Variants in FNIP1 observed in about 807,000 individuals in gnomAD.
The protein encoded by FNIP1 is folliculin interacting protein 1.
In FNIP1, 40 loss-of-function variants were observed where a neutral mutation model predicts 124.5. The observed-to-expected ratio is 0.32, with a 90% CI of 0.25 to 0.42. The LOEUF (loss-of-function observed/expected upper bound fraction) is 0.42, where lower values mean the gene tolerates loss of function less well. Ranked by LOEUF, FNIP1 falls within the 10% of genes least tolerant of loss-of-function variation. The pLI, the probability that FNIP1 is intolerant of heterozygous loss-of-function variation, is 1.00. For synonymous variants in FNIP1, 472 were observed against 470.6 expected (o/e 1.00, Z -0.04); for missense variants, 1,176 against 1,403.7 (o/e 0.84, Z 2.59).
chr5:131,721,526 C>T (rs778083146), intron 3 of FNIP1, among the ~76,000 whole-genome samples: 24 of 151,974 alleles, frequency 1.6e-4, no homozygotes, highest in South Asian at 2.1e-4. Flanking sequence ...GAGGCTAGCG[C>T]GGTGGATCAC....
rs373738296 is a variant in FNIP1, at chr5:131,651,993, C to G, written c.3115G>C (p.Val1039Leu). The change falls in exon 16 of 18, where the codon GTT becomes CTT. Residue 1039 changes from valine (V) to leucine (L), a missense_variant. Val to Leu is a conservative substitution (Grantham distance 32). Around this residue, in one of 2 missense-constraint regions of FNIP1, gnomAD observed 1,109 missense variants for 1,288.5 expected, o/e 0.86. Transcript: ENST00000510461. ...SDLSHAVQHP[V>L]LDEPIAEAVC... Reference sequence around the variant, plus strand: ...GCTTCTGCTATTGGTTCATCCAAAACTGGATGCTGGAAATAAAAGAATAAT... The same window carrying G: ...GCTTCTGCTATTGGTTCATCCAAAAGTGGATGCTGGAAATAAAAGAATAAT... 1 of 1,610,556 alleles carries G rather than the reference C, an allele frequency of 6.2e-7. No homozygotes were observed. The highest frequency in any genetic ancestry group is 1.3e-5 in the African/African-American group (1 of 74,920).
intron 11 of FNIP1, among the ~76,000 whole-genome samples, chr5:131,690,037 G>A (rs541764201): frequency 2.6e-5 from 4 of 152,070 alleles, no homozygotes; most frequent in South Asian, 2.1e-4. Flanking sequence ...TGGCTAACAC[G>A]GTGAAACCCC....
At chr5:131,728,523 C>T (rs1769969040) in intron 3 of FNIP1, among the ~76,000 whole-genome samples, 1 of 152,054 alleles carries the variant, frequency 6.6e-6, no homozygotes, top group Non-Finnish European at 1.5e-5. Context: ...TGTTTTTCAG[C>T]TCCATCAGGT....
intron 11 of FNIP1, among the ~76,000 whole-genome samples, chr5:131,687,148 C>A (rs979985634): frequency 2.7e-5 from 4 of 149,194 alleles, no homozygotes; most frequent in Non-Finnish European, 5.9e-5. Context: ...CTCTGTCATG[C>A]AAGCTAGAGT....
intron 15 of FNIP1, among the ~76,000 whole-genome samples, chr5:131,670,177 T>G (rs751990966): frequency 6.6e-6 from 1 of 152,196 alleles, no homozygotes; most frequent in African/African-American, 2.4e-5. Flanking sequence ...CCATTCAAAC[T>G]TAAGCACTTG....
intron 3 of FNIP1, among the ~76,000 whole-genome samples, chr5:131,729,017 C>T (rs559257829): frequency 1.3e-5 from 2 of 152,242 alleles, no homozygotes; most frequent in South Asian, 4.1e-4. Context: ...CTGGAGGCTG[C>T]AGAACAGCAA....
chr5:131,744,423 A>G (rs1479186032), intron 2 of FNIP1, 141 bp downstream of exon 2: 27 of 773,062 alleles, frequency 3.5e-5, no homozygotes, highest in Non-Finnish European at 9.6e-6. Flanking sequence ...AAAATGTTAG[A>G]TTCACCAAAC....
At chr5:131,735,094 T>C (rs1255259611) in intron 2 of FNIP1, among the ~76,000 whole-genome samples, 1 of 151,918 alleles carries the variant, frequency 6.6e-6, no homozygotes, top group Non-Finnish European at 1.5e-5. Context: ...ATTAAGAAAA[T>C]GTGGCACATA....
At chr5:131,653,260 G>A (rs777241251) in intron 15 of FNIP1, among the ~76,000 whole-genome samples, 22 of 152,038 alleles carry the variant, frequency 1.4e-4, no homozygotes, top group South Asian at 4.1e-4. Context: ...AATTCAGGCT[G>A]GGCGTGGTAG....
At chr5:131,728,486 C>T (rs182703420) in intron 3 of FNIP1, among the ~76,000 whole-genome samples, 12 of 152,024 alleles carry the variant, frequency 7.9e-5, no homozygotes, top group South Asian at 2.1e-4. Flanking sequence ...TGATGGCTTG[C>T]GTATGCTTCA....
At chr5:131,777,495 C>T (rs181284870) in intron 1 of FNIP1, among the ~76,000 whole-genome samples, 2 of 151,938 alleles carry the variant, frequency 1.3e-5, no homozygotes, top group African/African-American at 4.8e-5. Context: ...AAAATAGGTG[C>T]CCATCTAAAA....
chr5:131,649,016 T>C (rs934620538), intron 16 of FNIP1, among the ~76,000 whole-genome samples: 1 of 152,218 alleles, frequency 6.6e-6, no homozygotes, highest in Admixed American at 6.5e-5. Flanking sequence ...TGAATAAATA[T>C]TGCATTGTAT....
intron 1 of FNIP1, chr5:131,795,683 T>A (rs1772562682): frequency 1.3e-5 from 2 of 152,274 alleles, no homozygotes; most frequent in Non-Finnish European, 2.9e-5. Context: ...ATGCATTTAC[T>A]GAATTTTTCC....
chr5:131,782,931 G>A (rs1264124931), intron 1 of FNIP1, among the ~76,000 whole-genome samples: 2 of 152,330 alleles, frequency 1.3e-5, no homozygotes, highest in African/African-American at 4.8e-5. Context: ...CCGACGTGCT[G>A]GGATTACAGG....
intron 6 of FNIP1, among the ~76,000 whole-genome samples, chr5:131,715,556 A>C: frequency 6.6e-6 from 1 of 152,330 alleles, no homozygotes; most frequent in Admixed American, 6.5e-5. Flanking sequence ...AGCTTTGAAA[A>C]GTATCAAATT....
At chr5:131,693,489 T>C (rs1409246925) in intron 11 of FNIP1, among the ~76,000 whole-genome samples, 1 of 151,116 alleles carries the variant, frequency 6.6e-6, no homozygotes, top group East Asian at 1.9e-4. Context: ...GAAAAGAAAG[T>C]ATTTTCAGCA....
intron 3 of FNIP1, among the ~76,000 whole-genome samples, chr5:131,719,634 G>A (rs549197822): frequency 4.6e-5 from 7 of 152,230 alleles, no homozygotes; most frequent in Admixed American, 4.6e-4. Flanking sequence ...TTCCTTTTAA[G>A]AGCTGTACAA....
intron 11 of FNIP1, among the ~76,000 whole-genome samples, chr5:131,686,390 G>A (rs1768273091): frequency 6.6e-6 from 1 of 152,044 alleles, no homozygotes; most frequent in Non-Finnish European, 1.5e-5. Flanking sequence ...TGTCACCCAG[G>A]CTGAAGTGCA....
chr5:131,659,506 G>A (rs570080701), intron 15 of FNIP1, among the ~76,000 whole-genome samples: 1 of 152,280 alleles, frequency 6.6e-6, no homozygotes, highest in African/African-American at 2.4e-5. Context: ...TTTCCCGCTC[G>A]GCCATGGTGG....
Sources: allele counts gnomAD v4.1 joint callset (sites outside exome capture counted in the v4.1 genomes callset), GRCh38; gene constraint gnomAD v4.1.1; regional missense constraint gnomAD v4.1.1; transcripts MANE v1.5; gene names NCBI Gene and HGNC (gene_info 2026-07-23, HGNC 2026-07-21).